The following PAPPA2 variants were observed in gnomAD, a reference collection of about 807,000 sequenced individuals.
The protein encoded by PAPPA2 is pappalysin 2.
A neutral mutation model predicts 176.4 loss-of-function variants in PAPPA2; 86 were observed. The observed-to-expected ratio is 0.49, with a 90% CI of 0.41 to 0.58. PAPPA2 has a LOEUF of 0.58. PAPPA2 is among the 20% of genes least tolerant of loss of function. PAPPA2 has a pLI of 0.00. For missense variants in PAPPA2, 2,073 were observed against 2,256.9 expected, an observed-to-expected ratio of 0.92 and a Z score of 1.65; for synonymous variants, 809 against 852.2, an observed-to-expected ratio of 0.95 and a Z score of 0.88.
chr1:176,568,766 T>C (rs1652135749), intron 2 of PAPPA2, among the ~76,000 whole-genome samples: 1 of 152,238 alleles, frequency 6.6e-6, no homozygotes, highest in Non-Finnish European at 1.5e-5. Flanking sequence ...TATTTGGCCC[T>C]GTTGTGTTCA....
chr1:176,739,501 A>G (rs1662568656), intron 12 of PAPPA2, 125 bp from the exon 13 acceptor site: 1 of 1,018,574 alleles, frequency 9.8e-7, no homozygotes, highest in Non-Finnish European at 1.4e-6. Flanking sequence ...TTTAGCATTT[A>G]TAAAAAAAAT....
At chr1:176,835,535 T>C (rs1667239620) in intron 21 of PAPPA2, among the ~76,000 whole-genome samples, 1 of 152,172 alleles carries the variant, frequency 6.6e-6, no homozygotes, top group African/African-American at 2.4e-5. Flanking sequence ...GTTGTTGTTT[T>C]TGAGACGGAG....
chr1:176,780,652 C>T (rs547419027), intron 17 of PAPPA2, among the ~76,000 whole-genome samples: 1 of 152,178 alleles, frequency 6.6e-6, no homozygotes, highest in South Asian at 2.1e-4. Context: ...GTTGGCAGCT[C>T]TGTCAGGTCA....
chr1:176,724,932 T>C (rs1661795915), intron 12 of PAPPA2, among the ~76,000 whole-genome samples: 1 of 152,204 alleles, frequency 6.6e-6, no homozygotes, highest in African/African-American at 2.4e-5. Flanking sequence ...CTAGTAGAGC[T>C]ACAGATAGGA....
At chr1:176,699,693 A>G in intron 8 of PAPPA2, 104 bp downstream of exon 8, 1 of 1,472,228 alleles carries the variant, frequency 6.8e-7, no homozygotes, top group Non-Finnish European at 9.1e-7. Context: ...AGTCGGAGGA[A>G]TGTTTAGACT....
chr1:176,606,958 T>C (rs1233531998), intron 3 of PAPPA2, among the ~76,000 whole-genome samples: 1 of 152,210 alleles, frequency 6.6e-6, no homozygotes, highest in Admixed American at 6.5e-5. Flanking sequence ...GTCTTAGATG[T>C]TGGGCTAAGG....
At chr1:176,752,736 A>G (rs1246053970) in intron 14 of PAPPA2, among the ~76,000 whole-genome samples, 3 of 152,214 alleles carry the variant, frequency 2.0e-5, no homozygotes, top group African/African-American at 4.8e-5. Context: ...AAATGACACA[A>G]ATTTTCCCAT....
At chr1:176,485,372 C>G (rs1289165118) in intron 1 of PAPPA2, among the ~76,000 whole-genome samples, 1 of 152,078 alleles carries the variant, frequency 6.6e-6, no homozygotes, top group African/African-American at 2.4e-5. Context: ...GGACTTCTTG[C>G]TATTTCTCAA....
chr1:176,724,796 G>A (rs979946430), intron 12 of PAPPA2, among the ~76,000 whole-genome samples: 3 of 152,116 alleles, frequency 2.0e-5, no homozygotes, highest in Admixed American at 6.6e-5. Flanking sequence ...AAGAAGAAAC[G>A]CATTGATTGA....
At chr1:176,504,891 G>C (rs897443492) in intron 1 of PAPPA2, among the ~76,000 whole-genome samples, 1 of 152,050 alleles carries the variant, frequency 6.6e-6, no homozygotes, top group Non-Finnish European at 1.5e-5. Context: ...AAGATAATAC[G>C]GAACAGAGCT....
At chr1:176,584,414 G>A (rs924176932) in intron 2 of PAPPA2, among the ~76,000 whole-genome samples, 1 of 148,058 alleles carries the variant, frequency 6.8e-6, no homozygotes, top group Non-Finnish European at 1.5e-5. Flanking sequence ...TTTTTTTTTA[G>A]TTTTTGACTT....
chr1:176,511,024 C>T (rs1303735214), intron 1 of PAPPA2, among the ~76,000 whole-genome samples: 1 of 151,814 alleles, frequency 6.6e-6, no homozygotes, highest in Admixed American at 6.6e-5. Flanking sequence ...TATCAATAAT[C>T]ATAATAAGTG....
At chr1:176,502,165 C>T (rs1648001237) in intron 1 of PAPPA2, among the ~76,000 whole-genome samples, 5 of 152,172 alleles carry the variant, frequency 3.3e-5, no homozygotes, top group Admixed American at 3.3e-4. Context: ...TGATTCAAGA[C>T]TTGATAGCTG....
chr1:176,623,758 C>CCTTCCTTCCTTCCTTCCTTT (rs1198828841), intron 3 of PAPPA2, among the ~76,000 whole-genome samples: 5 of 59,064 alleles, frequency 8.5e-5, no homozygotes, highest in African/African-American at 2.3e-4. Context: ...TTCCTTCCTT[C>CCTTCCTTCCTTCCTTCCTTT]CTTTCTTTCT....
chr1:176,566,653 G>A (rs1651999891), intron 2 of PAPPA2, among the ~76,000 whole-genome samples: 1 of 152,168 alleles, frequency 6.6e-6, no homozygotes, highest in Admixed American at 6.5e-5. Flanking sequence ...GGCAGGGCTG[G>A]AAAGTAGGAA....
chr1:176,752,729 T>C (rs968622915), intron 14 of PAPPA2, among the ~76,000 whole-genome samples: 7 of 152,188 alleles, frequency 4.6e-5, no homozygotes. Context: ...GTCATCCAAA[T>C]GACACAAATT....
intron 3 of PAPPA2, among the ~76,000 whole-genome samples, chr1:176,601,660 C>T (rs573449737): frequency 3.3e-5 from 5 of 152,272 alleles, no homozygotes; most frequent in South Asian, 2.1e-4. Flanking sequence ...AGATGATCTG[C>T]GAGAGTTAAG....
rs1553376002 is a variant in PAPPA2 at position 176,623,758 on chromosome 1, C to CTTTCTTT, written c.1991+28163_1991+28164insTTTCTTT. ...TTTCTTTCTCTCTCTTTCCTTCCTT[C>CTTTCTTT]CTTTCTTTCTTTCTTTCTTTCTTTC... On this transcript the variant is annotated intron_variant, in intron 3 of 22. Transcript: ENST00000367662. 5.8e-3 allele frequency among the ~76,000 whole-genome samples: 345 copies of CTTTCTTT among 59,074 alleles called. 16 individuals are homozygous for CTTTCTTT. The highest frequency in any genetic ancestry group is 0.022 in the African/African-American group (284 of 13,186). 38.8% of individuals were successfully genotyped at this position (59,074 alleles called of 152,430 possible). A position where few individuals can be genotyped will look rare whatever the true frequency, so the allele number is the denominator to read the frequency against.
chr1:176,721,182 T>A (rs1410220692), intron 12 of PAPPA2, among the ~76,000 whole-genome samples: 6 of 152,244 alleles, frequency 3.9e-5, no homozygotes, highest in Non-Finnish European at 7.3e-5. Context: ...CAGTGAGCTA[T>A]ACTTTTATTT....
Sources: allele counts gnomAD v4.1 joint callset (sites outside exome capture counted in the v4.1 genomes callset), GRCh38; gene constraint gnomAD v4.1.1; transcripts MANE v1.5; gene names NCBI Gene and HGNC (gene_info 2026-07-23, HGNC 2026-07-21).